AGMO: variants seen among roughly 807,000 people sequenced by gnomAD.
The protein encoded by AGMO is alkylglycerol monooxygenase.
Under a neutral mutation model 60.2 loss-of-function variants are expected in AGMO, and 75 were observed. The ratio of observed to expected loss-of-function variants is 1.25; its 90% CI spans 1.03 to 1.51. The LOEUF (loss-of-function observed/expected upper bound fraction) is 1.51. Among genes scored for constraint, AGMO ranks in the 40% most tolerant of loss-of-function variants. AGMO has a pLI of 0.00. For missense variants in AGMO, 763 were observed against 525.5 expected (o/e 1.45, Z -4.42); for synonymous variants, 261 against 177.1 (o/e 1.47, Z -3.76).
At chr7:15,211,198 G>A (rs1198065209) in intron 12 of AGMO, among the ~76,000 whole-genome samples, 1 of 151,910 alleles carries the variant, frequency 6.6e-6, no homozygotes, top group African/African-American at 2.4e-5. Context: ...ATTTTTCACA[G>A]GATTTTATTG....
At chr7:15,305,240 T>TA (rs11351669) in intron 12 of AGMO, among the ~76,000 whole-genome samples, 10,789 of 117,862 alleles carry the variant, frequency 0.092, 1,081 homozygotes, top group African/African-American at 0.26. Context: ...GCAATCTGGT[T>TA]AAAAAAAAAA....
At chr7:15,335,338 C>A (rs1368428773) in intron 12 of AGMO, among the ~76,000 whole-genome samples, 1 of 152,094 alleles carries the variant, frequency 6.6e-6, no homozygotes, top group Non-Finnish European at 1.5e-5. Context: ...ATATTGGCAG[C>A]AAACTCATAT....
chr7:15,396,391 A>G (rs10238980), intron 5 of AGMO: 78,518 of 151,752 alleles, frequency 0.52, 20,568 homozygotes, highest in Middle Eastern at 0.68. Flanking sequence ...CGTAAAAGTG[A>G]CTCGTCCTGA....
At chr7:15,209,334 A>G (rs372664606) in intron 12 of AGMO, among the ~76,000 whole-genome samples, 28 of 152,282 alleles carry the variant, frequency 1.8e-4, no homozygotes, top group African/African-American at 6.7e-4. Flanking sequence ...TGTGCTGTTA[A>G]ACAAATTATT....
At chr7:15,271,210 G>C (rs1473981104) in intron 12 of AGMO, among the ~76,000 whole-genome samples, 1 of 152,080 alleles carries the variant, frequency 6.6e-6, no homozygotes, top group South Asian at 2.1e-4. Context: ...GTGAAAAACA[G>C]TGTTGGTAAT....
At chr7:15,246,717 C>T (rs1322083413) in intron 12 of AGMO, among the ~76,000 whole-genome samples, 2 of 152,080 alleles carry the variant, frequency 1.3e-5, no homozygotes, top group East Asian at 3.9e-4. Flanking sequence ...CTTTCTTGAA[C>T]CTAGCACTTC....
At chr7:15,331,009 C>G (rs538456092) in intron 12 of AGMO, among the ~76,000 whole-genome samples, 1 of 152,054 alleles carries the variant, frequency 6.6e-6, no homozygotes, top group African/African-American at 2.4e-5. Flanking sequence ...ATTACATTTT[C>G]CCCCTTGGCC....
Position 15,385,502 on chromosome 7 carries a change from C to T in AGMO, c.1018G>A (p.Val340Ile). 6.2e-7 allele frequency: 1 copy of T among 1,613,346 alleles called. No individual in the cohort carries two copies. ...GCCAACATCAGAGCAAACTGTACAA[C>T]TGTATATATCTTTAATAGCTGAGAT... ...SSSQLLKIYT[V>I]VQFALMLAFY... Residue 340 changes from valine (V) to isoleucine (I), a missense_variant, in exon 10 of 13, where the codon GTT becomes ATT. By Grantham distance (29) the Val-to-Ile change is conservative. Transcript: ENST00000342526.
At chr7:15,466,230 A>G (rs1018704178) in intron 3 of AGMO, among the ~76,000 whole-genome samples, 7 of 152,200 alleles carry the variant, frequency 4.6e-5, no homozygotes, top group African/African-American at 1.7e-4. Flanking sequence ...TTATTCTGAC[A>G]TACAAGTGTA....
At chr7:15,467,240 A>G (rs1007548197) in intron 3 of AGMO, among the ~76,000 whole-genome samples, 1 of 152,164 alleles carries the variant, frequency 6.6e-6, no homozygotes, top group Non-Finnish European at 1.5e-5. Context: ...GGCTTCCCCA[A>G]TTTCATGAGG....
At chr7:15,317,395 C>A (rs1780958426) in intron 12 of AGMO, among the ~76,000 whole-genome samples, 1 of 152,004 alleles carries the variant, frequency 6.6e-6, no homozygotes, top group South Asian at 2.1e-4. Flanking sequence ...AGTGTTGGGA[C>A]ATAAAAATAA....
At chr7:15,376,898 G>T (rs529426819) in intron 10 of AGMO, among the ~76,000 whole-genome samples, 5 of 152,116 alleles carry the variant, frequency 3.3e-5, no homozygotes, top group South Asian at 4.2e-4. Flanking sequence ...AGTAAGAAAG[G>T]AATGTGTCTC....
intron 3 of AGMO, among the ~76,000 whole-genome samples, chr7:15,454,595 G>T (rs1255283161): frequency 1.3e-5 from 2 of 152,030 alleles, no homozygotes; most frequent in Non-Finnish European, 2.9e-5. Context: ...CTTAGTGTGT[G>T]TGTGTATGTG....
chr7:15,349,440 T>C (rs1782151885), intron 12 of AGMO, among the ~76,000 whole-genome samples: 1 of 152,228 alleles, frequency 6.6e-6, no homozygotes, highest in African/African-American at 2.4e-5. Context: ...GGTGATTACA[T>C]GCAGACACAG....
At chr7:15,371,516 T>C (rs1232015156) in intron 10 of AGMO, among the ~76,000 whole-genome samples, 1 of 151,728 alleles carries the variant, frequency 6.6e-6, no homozygotes, top group Admixed American at 6.6e-5. Flanking sequence ...TCAGCCTCCC[T>C]AGTAGCTGGG....
chr7:15,248,389 T>C (rs148891225), intron 12 of AGMO, among the ~76,000 whole-genome samples: 24 of 151,404 alleles, frequency 1.6e-4, no homozygotes, highest in Non-Finnish European at 2.5e-4. Context: ...TGGAAAGCTA[T>C]AACAAATAAG....
the AGMO span, among the ~76,000 whole-genome samples, chr7:15,153,004 C>G: frequency 2.0e-5 from 3 of 152,028 alleles, no homozygotes; most frequent in East Asian, 5.8e-4. Context: ...ACAGCAACAT[C>G]TATTATTTTT....
In AGMO at chr7:15,387,358, C is replaced by G. The variant is rs547887300; in HGVS notation, c.957+48G>C. ...ATGTACAGGCTGGCTGTAGACCTGA[C>G]AATATGAGACAATCTTCACCATCTC... On this transcript the variant is annotated intron_variant, in intron 9 of 12. Transcript: ENST00000342526. 3.7e-4 allele frequency: 588 copies of G among 1,593,758 alleles called. 8 individuals carry two copies. In the South Asian group the frequency reaches 6.3e-3, roughly 17 times the overall value.
At chr7:15,414,221 G>T (rs28663661) in intron 5 of AGMO, among the ~76,000 whole-genome samples, 103 of 151,966 alleles carry the variant, frequency 6.8e-4, no homozygotes, top group African/African-American at 2.4e-3. Context: ...GATTGGTCTC[G>T]ATCTCCTGAC....
Sources: gnomAD v4.1 joint callset for allele counts (sites outside exome capture counted in the v4.1 genomes callset) on GRCh38, gnomAD v4.1.1 for gene constraint, MANE v1.5 for transcripts, NCBI Gene and HGNC (gene_info 2026-07-23, HGNC 2026-07-21) for gene names.